Variants in YTHDF2 observed in about 807,000 individuals in gnomAD.
YTHDF2 encodes the protein YTH domain-containing family protein 2.
In YTHDF2, 2 loss-of-function variants were observed where a neutral mutation model predicts 50.4. That is an observed-to-expected ratio of 0.04 (90% CI 0.02 to 0.12). YTHDF2 has a LOEUF of 0.12. Among genes scored for constraint, YTHDF2 ranks in the 10% least tolerant of loss-of-function variants. The pLI, the probability that YTHDF2 is intolerant of heterozygous loss-of-function variation, is 1.00. For missense variants in YTHDF2, 483 were observed against 722.6 expected, an observed-to-expected ratio of 0.67 and a Z score of 3.80; for synonymous variants, 217 against 255.6, an observed-to-expected ratio of 0.85 and a Z score of 1.44.
chr1:28,761,546 T>C (rs2088130742), intron 4 of YTHDF2, among the ~76,000 whole-genome samples: 2 of 152,160 alleles, frequency 1.3e-5, no homozygotes. Flanking sequence ...GAGACCATCC[T>C]GACCAACATG....
chr1:28,759,799 T>C (rs752317995), intron 4 of YTHDF2, among the ~76,000 whole-genome samples: 30 of 151,716 alleles, frequency 2.0e-4, no homozygotes, highest in Non-Finnish European at 4.1e-4. Context: ...CTACTAAAAA[T>C]ACAAAACCTA....
At chr1:28,756,946 G>C (rs2088043947) in intron 4 of YTHDF2, among the ~76,000 whole-genome samples, 1 of 152,166 alleles carries the variant, frequency 6.6e-6, no homozygotes, top group Admixed American at 6.5e-5. Context: ...TTGAAATCCT[G>C]TAAGTCTGCA....
rs765938444 is a variant in YTHDF2, at chr1:28,742,531, T to C, written c.261T>C (p.Thr87=). ...TGGDTAMPYL[T]SYGQLSNGEP... ...GTGACACAGCCATGCCCTACTTAAC[T>C]TCTTATGGACAGCTGAGCAACGGAG... The change falls in exon 4 of 5, where the codon ACT becomes ACC. Residue 87 remains threonine (T), a synonymous_variant. Transcript: ENST00000373812. 6.8e-6 allele frequency: 11 copies of C among 1,613,992 alleles called. No homozygotes were observed. In the Admixed American group the frequency reaches 1.7e-4, roughly 24 times the overall value.
chr1:28,737,396 C>G (rs938084514), intron 1 of YTHDF2: 5 of 635,488 alleles, frequency 7.9e-6, no homozygotes, highest in African/African-American at 3.9e-5. Flanking sequence ...GCCTCGTTTT[C>G]CTTCCTTGTT....
At chr1:28,747,359 C>G (rs2087879991) in intron 4 of YTHDF2, among the ~76,000 whole-genome samples, 1 of 151,632 alleles carries the variant, frequency 6.6e-6, no homozygotes, top group Non-Finnish European at 1.5e-5. Context: ...ATCACGATGT[C>G]AGGAGTTCGA....
chr1:28,766,999 T>G (rs969906878), intron 4 of YTHDF2, among the ~76,000 whole-genome samples: 1 of 149,426 alleles, frequency 6.7e-6, no homozygotes, highest in African/African-American at 2.6e-5. Context: ...CATGCCTAAT[T>G]AAAAGATTTT....
intron 4 of YTHDF2, among the ~76,000 whole-genome samples, chr1:28,763,492 G>T (rs919138339): frequency 6.6e-6 from 1 of 151,882 alleles, no homozygotes; most frequent in African/African-American, 2.4e-5. Context: ...ATCTCCCTCT[G>T]TTGCTCAGGC....
At position 28,743,002 on chromosome 1, in the gene YTHDF2, C is replaced by G. The variant is rs1338825004; in HGVS notation, c.732C>G (p.Ser244Arg). ...CAGCATCTTGGGCTGATATTGCTAG[C>G]AAGCCTGCAAAACAGCAACCTAAAC... ...PKPASWADIA[S>R]KPAKQQPKLK... The change falls in exon 4 of 5, where the codon AGC becomes AGG. Residue 244 changes from serine (S) to arginine (R), a missense_variant. Ser to Arg is a moderately radical substitution (Grantham distance 110). Around this residue, in one of 4 missense-constraint regions of YTHDF2, gnomAD observed 385 missense variants for 475.8 expected, o/e 0.81. Transcript: ENST00000373812. The surrounding 1 kb of genome is among the most constrained non-coding windows in gnomAD (Gnocchi z 6.9). 6.2e-7 allele frequency: 1 copy of G among 1,614,060 alleles called. No homozygotes were observed. Among genetic ancestry groups the G allele is most frequent in the Non-Finnish European group, 8.5e-7 (1 of 1,180,040 alleles).
intron 4 of YTHDF2, among the ~76,000 whole-genome samples, chr1:28,759,256 G>C (rs1221664524): frequency 6.6e-6 from 1 of 152,090 alleles, no homozygotes; most frequent in African/African-American, 2.4e-5. Context: ...TAAATATATA[G>C]GTACTGGAAA....
chr1:28,752,758 A>AG (rs2087976837), intron 4 of YTHDF2, among the ~76,000 whole-genome samples: 1 of 146,818 alleles, frequency 6.8e-6, no homozygotes, highest in South Asian at 2.5e-4. Flanking sequence ...TAACACAAAA[A>AG]TTTGTCCTGC....
upstream of YTHDF2, chr1:28,736,832 G>C: frequency 5.1e-6 from 2 of 390,850 alleles, no homozygotes. Context: ...GAGAGTCAGC[G>C]CTCGCGCCGC....
At chr1:28,745,077 TATAAA>T (rs760656176) in intron 4 of YTHDF2, among the ~76,000 whole-genome samples, 35 of 152,294 alleles carry the variant, frequency 2.3e-4, no homozygotes, top group African/African-American at 3.1e-4. Context: ...TAATCTCAAA[TATAAA>T]ATAAAGTCTA....
At chr1:28,756,226 T>A (rs527533573) in intron 4 of YTHDF2, among the ~76,000 whole-genome samples, 1 of 152,292 alleles carries the variant, frequency 6.6e-6, no homozygotes, top group East Asian at 1.9e-4. Context: ...ATGTCTGAAA[T>A]ACAGAGTTGA....
chr1:28,756,397 A>G (rs555161275), intron 4 of YTHDF2, among the ~76,000 whole-genome samples: 12 of 152,332 alleles, frequency 7.9e-5, no homozygotes, highest in African/African-American at 2.9e-4. Context: ...TCACTCAAGT[A>G]TGAGCCATTC....
At chr1:28,741,812 T>A (rs2087781163) in intron 3 of YTHDF2, among the ~76,000 whole-genome samples, 1 of 152,208 alleles carries the variant, frequency 6.6e-6, no homozygotes, top group East Asian at 1.9e-4. Flanking sequence ...TCTTGTTTTA[T>A]TATCACCTGG....
At chr1:28,759,766 A>C (rs2088087316) in intron 4 of YTHDF2, among the ~76,000 whole-genome samples, 1 of 152,094 alleles carries the variant, frequency 6.6e-6, no homozygotes, top group South Asian at 2.1e-4. Flanking sequence ...GACTGGCCTG[A>C]CCAACATGGT....
chr1:28,748,771 A>C (rs2087903970), intron 4 of YTHDF2, among the ~76,000 whole-genome samples: 1 of 152,154 alleles, frequency 6.6e-6, no homozygotes, highest in Non-Finnish European at 1.5e-5. Flanking sequence ...TTCTGCGTTT[A>C]TTTAGAACTT....
intron 4 of YTHDF2, among the ~76,000 whole-genome samples, chr1:28,754,786 G>A (rs944554238): frequency 6.6e-6 from 1 of 151,842 alleles, no homozygotes; most frequent in East Asian, 1.9e-4. Flanking sequence ...CCTGGGCAAT[G>A]AGAGCAAAAC....
chr1:28,736,843 G>GCGCGCCGCC (rs1360055870), upstream of YTHDF2: 9 of 384,268 alleles, frequency 2.3e-5, no homozygotes, highest in Admixed American at 4.8e-5. Context: ...CTCGCGCCGC[G>GCGCGCCGCC]CGCGCCGCCC....
Sources: gnomAD v4.1 joint callset for allele counts (sites outside exome capture counted in the v4.1 genomes callset) on GRCh38, gnomAD v4.1.1 for gene constraint, gnomAD v4.1.1 regional missense constraint, Gnocchi (gnomAD v3.1) non-coding constraint, MANE v1.5 for transcripts, NCBI Gene and HGNC (gene_info 2026-07-23, HGNC 2026-07-21) for gene names.